Variants in OSBPL10 observed in about 807,000 individuals in gnomAD.
OSBPL10 encodes oxysterol binding protein like 10, also known as oxysterol-binding protein-related protein 10.
In OSBPL10, 49 loss-of-function variants were observed where a neutral mutation model predicts 81.7. That is an observed-to-expected ratio of 0.60 (90% CI 0.48 to 0.76). The LOEUF (loss-of-function observed/expected upper bound fraction) is 0.76. Ranked by LOEUF, OSBPL10 falls within the 30% of genes least tolerant of loss-of-function variation. OSBPL10 has a pLI of 0.00. For missense variants in OSBPL10, 923 were observed against 987.8 expected, an observed-to-expected ratio of 0.93 and a Z score of 0.88; for synonymous variants, 419 against 383.6, an observed-to-expected ratio of 1.09 and a Z score of -1.08.
intron 4 of OSBPL10, among the ~76,000 whole-genome samples, chr3:31,776,779 G>T (rs542850687): frequency 4.6e-5 from 7 of 152,150 alleles, no homozygotes; most frequent in Non-Finnish European, 8.8e-5. Flanking sequence ...GCCCAGGGCT[G>T]GGGGGAGGAG....
chr3:31,956,676 C>T (rs1219906523), intron 1 of OSBPL10, among the ~76,000 whole-genome samples: 2 of 151,900 alleles, frequency 1.3e-5, no homozygotes, highest in African/African-American at 4.8e-5. Flanking sequence ...TGCACTGAGC[C>T]GAGATTGCGC....
chr3:32,016,874 C>T (rs925344664), intron 2 of OSBPL10, among the ~76,000 whole-genome samples: 3 of 152,152 alleles, frequency 2.0e-5, no homozygotes, highest in Admixed American at 6.5e-5. Flanking sequence ...TATGAGTATT[C>T]TGAAACCTAA....
At chr3:31,870,162 C>T (rs1007472019) in intron 3 of OSBPL10, among the ~76,000 whole-genome samples, 3 of 152,224 alleles carry the variant, frequency 2.0e-5, no homozygotes, top group East Asian at 1.9e-4. Flanking sequence ...ACTGCGCTTG[C>T]GGGCCAGCTG....
intron 4 of OSBPL10, among the ~76,000 whole-genome samples, chr3:31,818,194 A>C (rs1257801217): frequency 2.0e-5 from 3 of 152,132 alleles, no homozygotes; most frequent in Non-Finnish European, 2.9e-5. Context: ...TGGCCTCTGA[A>C]TAAAGCAGAT....
intron 4 of OSBPL10, among the ~76,000 whole-genome samples, chr3:31,789,900 C>G (rs1268939587): frequency 1.3e-5 from 2 of 152,144 alleles, no homozygotes; most frequent in African/African-American, 4.8e-5. Context: ...TTTACTAAAC[C>G]TGCCACATTT....
chr3:31,895,504 A>T (rs575322892), intron 1 of OSBPL10, among the ~76,000 whole-genome samples: 4 of 152,134 alleles, frequency 2.6e-5, no homozygotes, highest in Admixed American at 6.5e-5. Flanking sequence ...ATCTCTGGGG[A>T]TGAAACTCAG....
intron 2 of OSBPL10, among the ~76,000 whole-genome samples, chr3:32,025,378 TC>T (rs1390285700): frequency 6.6e-6 from 1 of 152,198 alleles, no homozygotes; most frequent in African/African-American, 2.4e-5. Flanking sequence ...TGGTATATGA[TC>T]CTTTTTTTAT....
At chr3:31,737,175 T>A (rs144714497) in intron 5 of OSBPL10, among the ~76,000 whole-genome samples, 52 of 152,062 alleles carry the variant, frequency 3.4e-4, no homozygotes, top group Non-Finnish European at 5.3e-4. Flanking sequence ...ATTCCGAATA[T>A]CAAAGAGCCG....
At chr3:32,029,215 A>T (rs1214351270) in intron 2 of OSBPL10, among the ~76,000 whole-genome samples, 3 of 152,118 alleles carry the variant, frequency 2.0e-5, no homozygotes, top group Non-Finnish European at 4.4e-5. Context: ...CCCAGGTCAA[A>T]AGGTCAAACC....
At chr3:31,776,724 G>A (rs574956611) in intron 4 of OSBPL10, among the ~76,000 whole-genome samples, 5 of 152,308 alleles carry the variant, frequency 3.3e-5, no homozygotes, top group African/African-American at 9.6e-5. Flanking sequence ...CCATTTACAT[G>A]AAATATTCAG....
intron 6 of OSBPL10, among the ~76,000 whole-genome samples, chr3:31,716,245 C>A (rs1471497833): frequency 2.6e-5 from 4 of 152,116 alleles, no homozygotes; most frequent in African/African-American, 9.7e-5. Context: ...ATACTTGGTA[C>A]AATATACAAA....
At chr3:32,031,478 T>C (rs1274702636) in intron 2 of OSBPL10, among the ~76,000 whole-genome samples, 1 of 149,510 alleles carries the variant, frequency 6.7e-6, no homozygotes, top group Non-Finnish European at 1.5e-5. Flanking sequence ...TTTTTTTTTT[T>C]CGAGACAGAG....
At chr3:31,892,364 C>T (rs920014924) in intron 1 of OSBPL10, among the ~76,000 whole-genome samples, 1 of 152,146 alleles carries the variant, frequency 6.6e-6, no homozygotes, top group Admixed American at 6.5e-5. Flanking sequence ...CATCAACCAG[C>T]GGCAGGGACA....
intron 2 of OSBPL10, among the ~76,000 whole-genome samples, chr3:31,878,766 A>C (rs1270791453): frequency 6.6e-6 from 1 of 151,916 alleles, no homozygotes; most frequent in East Asian, 1.9e-4. Context: ...TACTTAATAC[A>C]TACTACTTTT....
intron 4 of OSBPL10, among the ~76,000 whole-genome samples, chr3:31,753,484 C>T (rs1005169200): frequency 3.9e-5 from 6 of 152,058 alleles, no homozygotes; most frequent in East Asian, 1.9e-4. Context: ...CATGCCCGGC[C>T]GCTTTATGGA....
chr3:32,023,900 T>C lies in OSBPL10; in HGVS notation n.298+22591A>G, dbSNP rs372012752. ...AGGCACAGTAAGAGACTAACAACAA[T>C]AATAATAAGTGGGCCAATTACAAGA... On this transcript the variant is annotated intron_variant and non_coding_transcript_variant, in intron 2 of 3. Coordinates refer to the OSBPL10 transcript ENST00000479173. Among the ~76,000 whole-genome samples, 5 of 152,164 alleles carry C rather than the reference T, an allele frequency of 3.3e-5. 1 individual carries two copies. In the East Asian group the frequency reaches 9.6e-4, roughly 29 times the overall value.
At chr3:31,969,111 T>C (rs1298956934) in intron 1 of OSBPL10, among the ~76,000 whole-genome samples, 5 of 152,158 alleles carry the variant, frequency 3.3e-5, no homozygotes, top group South Asian at 4.1e-4. Context: ...GTATTAGTAA[T>C]AGGGTGGAAC....
At chr3:31,928,471 C>CAATT (rs1175684492) in intron 1 of OSBPL10, among the ~76,000 whole-genome samples, 1 of 151,946 alleles carries the variant, frequency 6.6e-6, no homozygotes, top group Admixed American at 6.6e-5. Context: ...CAGACTTGCA[C>CAATT]AATTAACAAT....
At chr3:31,752,056 C>T (rs1393217791) in intron 4 of OSBPL10, among the ~76,000 whole-genome samples, 4 of 152,054 alleles carry the variant, frequency 2.6e-5, no homozygotes, top group Non-Finnish European at 4.4e-5. Flanking sequence ...AATGTGGTAC[C>T]GAAAGGCTGA....
Sources: allele counts gnomAD v4.1 joint callset (sites outside exome capture counted in the v4.1 genomes callset), GRCh38; gene constraint gnomAD v4.1.1; transcripts MANE v1.5; gene names NCBI Gene and HGNC (gene_info 2026-07-23, HGNC 2026-07-21).